Variants in TENM2 observed in about 807,000 individuals in gnomAD.
The protein encoded by TENM2 is teneurin-2.
In TENM2, 52 loss-of-function variants were observed where a neutral mutation model predicts 245.2. The ratio of observed to expected loss-of-function variants is 0.21; its 90% CI spans 0.17 to 0.27. The LOEUF (loss-of-function observed/expected upper bound fraction) is 0.27. TENM2 is among the 10% of genes least tolerant of loss of function. TENM2 has a pLI of 1.00. For synonymous variants in TENM2, 1,363 were observed against 1,438.9 expected (o/e 0.95, Z 1.19); for missense variants, 3,046 against 3,666.8 (o/e 0.83, Z 4.37).
intron 2 of TENM2, among the ~76,000 whole-genome samples, chr5:167,563,754 A>G (rs938709221): frequency 2.6e-5 from 4 of 152,102 alleles, no homozygotes; most frequent in Non-Finnish European, 5.9e-5. Flanking sequence ...TACTTTTTCT[A>G]TGGTTAGACA....
chr5:167,153,668 T>C, the TENM2 span, among the ~76,000 whole-genome samples: 2 of 150,192 alleles, frequency 1.3e-5, no homozygotes, highest in Admixed American at 6.6e-5. Context: ...TGGCTTTAAA[T>C]ATATATATAT....
At chr5:168,082,855 C>T (rs1366853225) in intron 7 of TENM2, among the ~76,000 whole-genome samples, 2 of 152,166 alleles carry the variant, frequency 1.3e-5, no homozygotes, top group Non-Finnish European at 2.9e-5. Context: ...AGGTGTCAGT[C>T]GGCCCCTACT....
At chr5:167,992,983 G>A (rs1307335839) in exon 5 of TENM2, 4 of 1,613,936 alleles carry the variant, frequency 2.5e-6, no homozygotes, top group Non-Finnish European at 2.5e-6. Context: ...GCACACCCTT[G>A]TTCAGCAGCT....
At chr5:168,012,218 C>T (rs941185339) in intron 5 of TENM2, among the ~76,000 whole-genome samples, 1 of 152,178 alleles carries the variant, frequency 6.6e-6, no homozygotes, top group Admixed American at 6.5e-5. Context: ...TCCCCATCAG[C>T]CTTGTCCTGA....
chr5:167,460,178 C>A (rs969155987), intron 2 of TENM2, among the ~76,000 whole-genome samples: 1 of 152,148 alleles, frequency 6.6e-6, no homozygotes, highest in Non-Finnish European at 1.5e-5. Context: ...GTTAGAGCCA[C>A]ATCTAGCCTG....
the TENM2 span, among the ~76,000 whole-genome samples, chr5:167,011,395 G>A: frequency 6.6e-6 from 1 of 152,212 alleles, no homozygotes; most frequent in African/African-American, 2.4e-5. Flanking sequence ...TTCCCAGTGT[G>A]AATGCCTAAA....
chr5:167,861,346 C>T (rs531089614), intron 2 of TENM2, among the ~76,000 whole-genome samples: 53 of 152,212 alleles, frequency 3.5e-4, no homozygotes, highest in African/African-American at 1.2e-3. Context: ...GCGTGGAGAC[C>T]AGGGAAAAAT....
intron 2 of TENM2, among the ~76,000 whole-genome samples, chr5:167,449,290 G>A (rs185655410): frequency 6.6e-6 from 1 of 152,276 alleles, no homozygotes; most frequent in Non-Finnish European, 1.5e-5. Flanking sequence ...CTGACAGCCT[G>A]GTCACTGAAG....
intron 3 of TENM2, among the ~76,000 whole-genome samples, chr5:167,929,364 A>G (rs373145643): frequency 3.9e-5 from 6 of 152,178 alleles, no homozygotes; most frequent in Non-Finnish European, 8.8e-5. Flanking sequence ...TTGCTTGCCA[A>G]TGAAATTGCC....
the TENM2 span, among the ~76,000 whole-genome samples, chr5:167,144,632 A>G: frequency 1.1e-4 from 17 of 152,058 alleles, no homozygotes; most frequent in African/African-American, 3.9e-4. Context: ...ATCCATTAGG[A>G]CCTCATCTAT....
exon 16 of TENM2, chr5:168,198,927 G>T: frequency 6.2e-7 from 1 of 1,614,040 alleles, no homozygotes; most frequent in Non-Finnish European, 8.5e-7. Context: ...AGCCAGGAGC[G>T]CACTGTGTGG....
At position 168,226,359 on chromosome 5, in the gene TENM2, T is replaced by G. The variant is rs3733985; in HGVS notation, c.5284+96T>G. On this transcript the variant is annotated intron_variant, in intron 24 of 28. Coordinates refer to ENST00000518659, the Ensembl canonical transcript of TENM2. The stretch of plus-strand genomic sequence containing the variant: ...GTGAGTTATGCAGCCTGGGAGGACT[T>G]CCAGAGACCCAGCGTACCCCTAGCT... The G allele has an allele frequency of 6.2e-4, 703 of 1,130,618 alleles. 2 individuals carry two copies. Among genetic ancestry groups the G allele is most frequent in the South Asian group, 2.2e-3 (132 of 60,698 alleles). 70.0% of individuals were successfully genotyped at this position (1,130,618 alleles called of 1,614,324 possible). A position where few individuals can be genotyped will look rare whatever the true frequency, so the allele number is the denominator to read the frequency against.
chr5:167,318,436 T>TG (rs1756506829), intron 1 of TENM2, among the ~76,000 whole-genome samples: 1 of 152,136 alleles, frequency 6.6e-6, no homozygotes, highest in Non-Finnish European at 1.5e-5. Context: ...TCATTTTTTT[T>TG]TTTTTTACAC....
At chr5:167,765,828 G>T (rs573871504) in intron 2 of TENM2, among the ~76,000 whole-genome samples, 1 of 152,238 alleles carries the variant, frequency 6.6e-6, no homozygotes, top group African/African-American at 2.4e-5. Flanking sequence ...GAGTGATGTT[G>T]TCATGTTATC....
In TENM2 at chr5:168,224,781, A is replaced by G. The variant is rs115045421; in HGVS notation, c.5109-1307A>G. Among the ~76,000 whole-genome samples, 1,286 of 152,250 alleles carry G rather than the reference A, an allele frequency of 8.4e-3. 17 individuals are homozygous for G. The highest frequency in any genetic ancestry group is 0.03 in the African/African-American group (1,227 of 41,542). On this transcript the variant is annotated intron_variant, in intron 23 of 28. Coordinates refer to ENST00000518659, the Ensembl canonical transcript of TENM2. The stretch of plus-strand genomic sequence containing the variant: ...TTTACCCTCCAAGCAAAATGTCTTC[A>G]TAGCTCCGCCTTCTTCCTCCCCTTC...
At chr5:167,596,845 T>A (rs930085598) in intron 2 of TENM2, among the ~76,000 whole-genome samples, 1 of 151,186 alleles carries the variant, frequency 6.6e-6, no homozygotes, top group African/African-American at 2.4e-5. Flanking sequence ...CATCAAGAGA[T>A]AACTCTTCTT....
intron 2 of TENM2, among the ~76,000 whole-genome samples, chr5:167,477,706 G>T (rs1450827145): frequency 6.6e-6 from 1 of 152,020 alleles, no homozygotes; most frequent in Non-Finnish European, 1.5e-5. Flanking sequence ...TAGGCTTATT[G>T]GTAAGATATA....
At chr5:166,987,510 T>C in the TENM2 span, among the ~76,000 whole-genome samples, 1 of 145,228 alleles carries the variant, frequency 6.9e-6, no homozygotes, top group Non-Finnish European at 1.5e-5. Flanking sequence ...AGATCAAGGA[T>C]ATAACTTCTC....
the TENM2 span, among the ~76,000 whole-genome samples, chr5:166,988,713 A>G: frequency 2.0e-5 from 3 of 152,218 alleles, no homozygotes; most frequent in Admixed American, 2.0e-4. Context: ...TGCCCCTATC[A>G]GTGGCCTGGC....
Sources: gnomAD v4.1 joint callset for allele counts (sites outside exome capture counted in the v4.1 genomes callset) on GRCh38, gnomAD v4.1.1 for gene constraint, MANE v1.5 for transcripts, NCBI Gene and HGNC (gene_info 2026-07-23, HGNC 2026-07-21) for gene names.